PUS1: variants seen among roughly 807,000 people sequenced by gnomAD.
PUS1 encodes the protein pseudouridylate synthase 1 homolog.
Under a neutral mutation model 38.5 loss-of-function variants are expected in PUS1, and 25 were observed. The ratio of observed to expected loss-of-function variants is 0.65; its 90% CI spans 0.47 to 0.91. The LOEUF is 0.91. Among genes scored for constraint, PUS1 ranks in the 40% least tolerant of loss-of-function variants. PUS1 has a pLI of 0.00. For missense variants in PUS1, 597 were observed against 612.3 expected, an observed-to-expected ratio of 0.97 and a Z score of 0.26; for synonymous variants, 282 against 260.4, an observed-to-expected ratio of 1.08 and a Z score of -0.80.
chr12:131,937,677 GT>G (rs765036135), intron 3 of PUS1, among the ~76,000 whole-genome samples: 1 of 152,042 alleles, frequency 6.6e-6, no homozygotes, highest in East Asian at 1.9e-4. Flanking sequence ...CACTCCGCCC[GT>G]TTTTTTGTTT....
At chr12:131,937,450 C>T (rs1218271614) in intron 3 of PUS1, among the ~76,000 whole-genome samples, 1 of 152,228 alleles carries the variant, frequency 6.6e-6, no homozygotes, top group Non-Finnish European at 1.5e-5. Context: ...TCTCAACTCA[C>T]TGCAACCTCC....
At chr12:131,942,063 CAG>C in intron 5 of PUS1, 80 bp downstream of exon 5, 1 of 1,309,256 alleles carries the variant, frequency 7.6e-7, no homozygotes, top group Non-Finnish European at 1.1e-6. Flanking sequence ...AGCTGAGGCA[CAG>C]AGAAGTGTGT....
chr12:131,939,369 C>G, intron 4 of PUS1, 94 bp downstream of exon 4: 1 of 851,492 alleles, frequency 1.2e-6, no homozygotes, highest in South Asian at 1.4e-5. Flanking sequence ...CCAACTGTCT[C>G]TGATGCAGAA....
Position 131,929,465 on chromosome 12 carries a change from G to GCCCAGACC in PUS1, c.-258_-257insCCCAGACC, listed in dbSNP as rs1890476000. On this transcript the variant is annotated 5_prime_UTR_variant, in exon 1 of 6. Transcript: ENST00000376649. ...CGTCAGGGTCCCGGGGCGGTCTGGGGGCAGTAGAGACGGGGCTTGGGCGCG... is the reference window on the plus strand; with the variant it reads ...CGTCAGGGTCCCGGGGCGGTCTGGGGCCCAGACCGCAGTAGAGACGGGGCTTGGGCGCG... 1 of 439,162 alleles carries GCCCAGACC rather than the reference G, an allele frequency of 2.3e-6. No homozygotes were observed. Among genetic ancestry groups the GCCCAGACC allele is most frequent in the Non-Finnish European group, 4.0e-6 (1 of 249,108 alleles). 27.2% of individuals were successfully genotyped at this position (439,162 alleles called of 1,614,324 possible). A position where few individuals can be genotyped will look rare whatever the true frequency, so the allele number is the denominator to read the frequency against.
At chr12:131,934,420 G>A (rs1291108880) in intron 3 of PUS1, among the ~76,000 whole-genome samples, 4 of 152,140 alleles carry the variant, frequency 2.6e-5, no homozygotes, top group African/African-American at 9.7e-5. Flanking sequence ...GCGTGACAGG[G>A]GGCTCACACC....
At chr12:131,942,693 A>AG (rs1891144024) in intron 5 of PUS1, among the ~76,000 whole-genome samples, 2 of 152,250 alleles carry the variant, frequency 1.3e-5, no homozygotes, top group African/African-American at 2.4e-5. Context: ...GTCGTGAGCC[A>AG]CTGCGTCCGG....
chr12:131,933,444 T>C (rs1374072194), intron 3 of PUS1, among the ~76,000 whole-genome samples: 1 of 152,258 alleles, frequency 6.6e-6, no homozygotes, highest in Non-Finnish European at 1.5e-5. Context: ...ATACTGTTTT[T>C]GTGTGTATGC....
Position 131,929,955 on chromosome 12 carries a change from A to G in PUS1, c.123A>G (p.Ala41=), listed in dbSNP as rs1302333071. 2 of 1,513,896 alleles carry G rather than the reference A, an allele frequency of 1.3e-6. No homozygotes were observed. Among genetic ancestry groups the G allele is most frequent in the Non-Finnish European group, 1.8e-6 (2 of 1,141,238 alleles). The allele number at this position is 1,513,896 out of a possible 1,614,324, so 93.8% of individuals were successfully genotyped here. A position where few individuals can be genotyped will look rare whatever the true frequency, so the allele number is the denominator to read the frequency against. ...CGGAGCCGCCGCCCGCCGGAGCCGC[A>G]TGCCCCCAGGACCGGAGGTCCTGCA... The part of the protein sequence containing the change: ...GNAEPPPAGA[A]CPQDRRSCSG... Residue 41 remains alanine (A), a synonymous_variant, in exon 2 of 6, where the codon GCA becomes GCG. Transcript: ENST00000376649.
intron 3 of PUS1, among the ~76,000 whole-genome samples, chr12:131,936,617 G>T (rs1179147209): frequency 6.6e-6 from 1 of 151,986 alleles, no homozygotes; most frequent in Non-Finnish European, 1.5e-5. Flanking sequence ...AGCTGGGTGT[G>T]GTGGCTCACG....
chr12:131,936,999 G>T (rs779861656), intron 3 of PUS1, among the ~76,000 whole-genome samples: 1 of 152,156 alleles, frequency 6.6e-6, no homozygotes. Flanking sequence ...AGGATGTCTC[G>T]AGTGTTCTCA....
intron 3 of PUS1, among the ~76,000 whole-genome samples, chr12:131,933,028 C>G (rs1366075709): frequency 6.6e-6 from 1 of 151,988 alleles, no homozygotes; most frequent in Non-Finnish European, 1.5e-5. Flanking sequence ...CTTGGGAGAA[C>G]TCACTCACTA....
At chr12:131,937,119 CA>C (rs1460756208) in intron 3 of PUS1, among the ~76,000 whole-genome samples, 1 of 152,212 alleles carries the variant, frequency 6.6e-6, no homozygotes, top group Non-Finnish European at 1.5e-5. Flanking sequence ...TGTTTCAGAA[CA>C]TCTCGTTTCA....
At chr12:131,931,683 A>G in intron 2 of PUS1, 1 of 187,014 alleles carries the variant, frequency 5.3e-6, no homozygotes, top group Non-Finnish European at 1.1e-5. Context: ...AGAGCCCGGC[A>G]CCACGCCCGG....
At chr12:131,931,329 T>C (rs1473557562) in intron 2 of PUS1, among the ~76,000 whole-genome samples, 2 of 152,074 alleles carry the variant, frequency 1.3e-5, no homozygotes, top group African/African-American at 4.8e-5. Context: ...CATCTAGTTT[T>C]TGTATTTTTA....
intron 2 of PUS1, 25 bp from the exon 3 acceptor site, chr12:131,932,150 A>C: frequency 1.2e-6 from 2 of 1,612,052 alleles, no homozygotes; most frequent in East Asian, 2.2e-5. Context: ...AAAATATAAA[A>C]TCTGTTTTTG....
At chr12:131,942,296 G>A (rs368638680) in intron 5 of PUS1, among the ~76,000 whole-genome samples, 13 of 152,190 alleles carry the variant, frequency 8.5e-5, no homozygotes, top group African/African-American at 1.9e-4. Context: ...GCTTAGAACC[G>A]GAACATACAG....
intron 5 of PUS1, among the ~76,000 whole-genome samples, chr12:131,943,094 G>A (rs1177801311): frequency 6.6e-6 from 1 of 152,258 alleles, no homozygotes; most frequent in African/African-American, 2.4e-5. Context: ...TTGCATACTG[G>A]TATGGGAAAT....
intron 4 of PUS1, 31 bp downstream of exon 4, chr12:131,939,306 C>T (rs1423054239): frequency 7.3e-7 from 1 of 1,378,426 alleles, no homozygotes; most frequent in Non-Finnish European, 1.0e-6. Context: ...GGCCACACAC[C>T]TGGTTGTAGA....
Position 131,942,648 on chromosome 12 carries a change from C to T in PUS1, c.1236+665C>T, listed in dbSNP as rs190056988. 8.9e-3 allele frequency among the ~76,000 whole-genome samples: 1,353 copies of T among 152,290 alleles called. 8 individuals carry two copies. Among genetic ancestry groups the T allele is most frequent in the Non-Finnish European group, 0.012 (821 of 68,022 alleles). ...GTCTTGATCTCCTGACCTTGTGATC[C>T]ACCCGCCTTGGCCTCCCAAAGTGCT... On this transcript the variant is annotated intron_variant, in intron 5 of 5. Coordinates refer to ENST00000376649, the MANE Select transcript of PUS1 (RefSeq NM_025215.6).
Sources: gnomAD v4.1 joint callset for allele counts (sites outside exome capture counted in the v4.1 genomes callset) on GRCh38, gnomAD v4.1.1 for gene constraint, MANE v1.5 for transcripts, NCBI Gene and HGNC (gene_info 2026-07-23, HGNC 2026-07-21) for gene names.